The following GAS7 variants were observed in gnomAD, a reference collection of about 807,000 sequenced individuals.
The protein encoded by GAS7 is growth arrest-specific protein 7.
In GAS7, 28 loss-of-function variants were observed where a neutral mutation model predicts 71.1. The observed-to-expected ratio is 0.39, with a 90% CI of 0.29 to 0.54. The LOEUF (loss-of-function observed/expected upper bound fraction) is 0.54. GAS7 is among the 20% of genes least tolerant of loss of function. The probability of loss-of-function intolerance (pLI) is 0.62; values close to 1 mark genes in which losing one functional copy is unlikely to be tolerated. For missense variants in GAS7, 436 were observed against 627.8 expected (o/e 0.69, Z 3.27); for synonymous variants, 258 against 245.8 (o/e 1.05, Z -0.46).
chr17:9,979,858 G>GT (rs961492364), intron 3 of GAS7, among the ~76,000 whole-genome samples: 22 of 133,348 alleles, frequency 1.6e-4, no homozygotes, highest in East Asian at 4.0e-4. Flanking sequence ...CATTTTGATT[G>GT]TTTTAAAAAA....
At position 9,927,290 on chromosome 17, in the gene GAS7, TACACACACACACACACACACACACAC is replaced by T. The variant is rs371084335; in HGVS notation, c.886-547_886-522del. ...ATGGTGAAACCCCATCTCTACTACA[TACACACACACACACACACACACACAC>T]ACACACACACACACACACAAATTAG... On this transcript the variant is annotated intron_variant, in intron 9 of 13. Transcript: ENST00000432992. Among the ~76,000 whole-genome samples, 348 of 116,940 alleles carry T rather than the reference TACACACACACACACACACACACACAC, an allele frequency of 3.0e-3. 1 individual carries two copies. The highest frequency in any genetic ancestry group is 0.012 in the Middle Eastern group (3 of 246). The allele number at this position is 116,940 out of a possible 152,430, so 76.7% of individuals were successfully genotyped here.
intron 2 of GAS7, among the ~76,000 whole-genome samples, chr17:10,004,235 A>G (rs1210739025): frequency 6.6e-6 from 1 of 152,194 alleles, no homozygotes; most frequent in Non-Finnish European, 1.5e-5. Context: ...CACCCCCGCA[A>G]GAAGCCATCC....
intron 3 of GAS7, among the ~76,000 whole-genome samples, chr17:9,975,804 A>T (rs114917373): frequency 6.6e-6 from 1 of 152,344 alleles, no homozygotes; most frequent in African/African-American, 2.4e-5. Context: ...AACAGCATGC[A>T]GCATCCTTCC....
chr17:10,086,556 G>A (rs2073521882), intron 1 of GAS7, among the ~76,000 whole-genome samples: 2 of 152,206 alleles, frequency 1.3e-5, no homozygotes, highest in African/African-American at 2.4e-5. Flanking sequence ...AAAGCCAAAG[G>A]TAGGGTAGGG....
intron 1 of GAS7, among the ~76,000 whole-genome samples, chr17:10,062,899 G>A (rs548045892): frequency 2.9e-4 from 44 of 152,286 alleles, no homozygotes; most frequent in Admixed American, 3.3e-4. Flanking sequence ...GTGGGTAGCC[G>A]AGCAGTCCTG....
chr17:9,966,743 C>T (rs1441956077), intron 4 of GAS7, among the ~76,000 whole-genome samples: 4 of 152,170 alleles, frequency 2.6e-5, no homozygotes, highest in African/African-American at 9.7e-5. Context: ...CCTGCAGTCC[C>T]AGCTACTCCA....
intron 2 of GAS7, among the ~76,000 whole-genome samples, chr17:10,016,751 A>AAATAATAATAAT (rs4057773): frequency 3.4e-4 from 48 of 139,912 alleles, no homozygotes; most frequent in East Asian, 1.0e-3. Context: ...TCTCTACAAA[A>AAATAATAATAAT]AATAATAATA....
intron 1 of GAS7, among the ~76,000 whole-genome samples, chr17:10,148,909 C>CACAAA: frequency 8.5e-6 from 1 of 117,308 alleles, no homozygotes; most frequent in East Asian, 2.5e-4. Flanking sequence ...GACTCCGCCT[C>CACAAA]AAAAAAAAAA....
intron 2 of GAS7, among the ~76,000 whole-genome samples, chr17:9,999,471 T>C (rs1490890013): frequency 2.0e-5 from 3 of 152,050 alleles, no homozygotes; most frequent in Admixed American, 1.3e-4. Context: ...TGAGCCGAGA[T>C]TGTGCCACTG....
intron 9 of GAS7, among the ~76,000 whole-genome samples, chr17:9,930,630 A>G (rs1456548759): frequency 6.6e-6 from 1 of 152,222 alleles, no homozygotes; most frequent in Non-Finnish European, 1.5e-5. Context: ...GGACCAGAAA[A>G]ACCACAAAAA....
intron 5 of GAS7, among the ~76,000 whole-genome samples, chr17:9,957,147 G>A (rs1429700520): frequency 1.3e-5 from 2 of 152,178 alleles, no homozygotes; most frequent in Non-Finnish European, 2.9e-5. Flanking sequence ...CAAGGCATGA[G>A]TGTTTACTTA....
chr17:10,175,572 G>A (rs993129189), intron 1 of GAS7, among the ~76,000 whole-genome samples: 2 of 149,578 alleles, frequency 1.3e-5, no homozygotes, highest in Admixed American at 6.7e-5. Context: ...CAGGATGAGG[G>A]CCCACCCTAA....
chr17:10,127,562 A>G (rs2073960776), intron 1 of GAS7, among the ~76,000 whole-genome samples: 1 of 152,200 alleles, frequency 6.6e-6, no homozygotes. Flanking sequence ...TCACAGAGGG[A>G]CAGACTCAGG....
chr17:10,020,409 T>G (rs945553182), intron 1 of GAS7, among the ~76,000 whole-genome samples: 9 of 152,242 alleles, frequency 5.9e-5, no homozygotes, highest in Admixed American at 5.9e-4. Context: ...AAGAGCTGGA[T>G]GGAGCTTCTC....
intron 2 of GAS7, among the ~76,000 whole-genome samples, chr17:10,018,826 A>C (rs2072146507): frequency 6.6e-6 from 1 of 152,204 alleles, no homozygotes; most frequent in South Asian, 2.1e-4. Flanking sequence ...GAGGAGTGAG[A>C]GGCCAAGGCT....
At chr17:10,191,090 G>A (rs905692664) in intron 1 of GAS7, among the ~76,000 whole-genome samples, 4 of 151,802 alleles carry the variant, frequency 2.6e-5, no homozygotes, top group Admixed American at 1.3e-4. Flanking sequence ...TAGGAGGATC[G>A]CTAGAACCCA....
chr17:10,172,533 GA>G lies in GAS7; in HGVS notation c.183+25674del, dbSNP rs575581440. Among the ~76,000 whole-genome samples, 272 of 151,450 alleles carry G rather than the reference GA, an allele frequency of 1.8e-3. 1 individual carries two copies. The highest frequency in any genetic ancestry group is 3.0e-3 in the Non-Finnish European group (200 of 67,770). On this transcript the variant is annotated intron_variant, in intron 1 of 13. Transcript: ENST00000432992. ...GAAGCAGATTAAAAAAAAAGAAGAA[GA>G]AAAAAAAAGAAACAGAAAGGGAGAC...
chr17:9,984,639 G>A (rs978296884), intron 2 of GAS7, among the ~76,000 whole-genome samples: 2 of 152,194 alleles, frequency 1.3e-5, no homozygotes, highest in Admixed American at 1.3e-4. Flanking sequence ...TTCATACGCT[G>A]AGTGACCTCT....
chr17:10,157,295 A>C (rs547802211), intron 1 of GAS7, among the ~76,000 whole-genome samples: 1 of 151,968 alleles, frequency 6.6e-6, no homozygotes, highest in Non-Finnish European at 1.5e-5. Context: ...CGAGGGGAAT[A>C]ATTTTTTTAA....
Sources: gnomAD v4.1 joint callset for allele counts (sites outside exome capture counted in the v4.1 genomes callset) on GRCh38, gnomAD v4.1.1 for gene constraint, MANE v1.5 for transcripts, NCBI Gene and HGNC (gene_info 2026-07-23, HGNC 2026-07-21) for gene names.